The following NLGN1 variants were observed in gnomAD, a reference collection of about 807,000 sequenced individuals.
NLGN1 encodes neuroligin-1.
Under a neutral mutation model 65.5 loss-of-function variants are expected in NLGN1, and 12 were observed. That is an observed-to-expected ratio of 0.18 (90% CI 0.12 to 0.30). NLGN1 has a LOEUF of 0.30. NLGN1 is among the 10% of genes least tolerant of loss of function. The probability of loss-of-function intolerance (pLI) is 1.00; values close to 1 mark genes in which losing one functional copy is unlikely to be tolerated. For missense variants in NLGN1, 750 were observed against 1,007.1 expected (o/e 0.74, Z 3.46); for synonymous variants, 350 against 359.5 (o/e 0.97, Z 0.30).
intron 1 of NLGN1, among the ~76,000 whole-genome samples, chr3:173,408,911 CAAAA>C (rs11344890): frequency 1.6e-5 from 2 of 124,860 alleles, no homozygotes; most frequent in Non-Finnish European, 1.7e-5. Context: ...GACTCTGTCT[CAAAA>C]AAAAAAAAAA....
intron 2 of NLGN1, among the ~76,000 whole-genome samples, chr3:173,489,475 A>G (rs1728739544): frequency 1.3e-5 from 2 of 152,186 alleles, no homozygotes; most frequent in South Asian, 4.1e-4. Flanking sequence ...TTCTTAATCC[A>G]GTCTATCATT....
intron 3 of NLGN1, among the ~76,000 whole-genome samples, chr3:173,729,536 T>G (rs1167063582): frequency 3.3e-5 from 5 of 152,080 alleles, no homozygotes; most frequent in African/African-American, 1.2e-4. Context: ...AGATTTGAAG[T>G]CTTGGTGAAG....
intron 1 of NLGN1, among the ~76,000 whole-genome samples, chr3:173,421,885 T>G (rs1220846263): frequency 6.6e-6 from 1 of 152,150 alleles, no homozygotes; most frequent in East Asian, 1.9e-4. Flanking sequence ...TCTGATATAG[T>G]GTCTTAGTCA....
At chr3:173,781,154 A>AAAAAAAAAAAAAAAT (rs1175719248) in intron 3 of NLGN1, among the ~76,000 whole-genome samples, 1 of 150,772 alleles carries the variant, frequency 6.6e-6, no homozygotes, top group African/African-American at 2.4e-5. Flanking sequence ...CAAAAAAAAA[A>AAAAAAAAAAAAAAAT]AAGTAAATAT....
chr3:173,547,926 C>A (rs1224886855), intron 2 of NLGN1, among the ~76,000 whole-genome samples: 2 of 151,962 alleles, frequency 1.3e-5, no homozygotes, highest in Admixed American at 1.3e-4. Context: ...AAGAACAAAA[C>A]CTGAACATGT....
chr3:174,275,999 T>C (rs1378638761), intron 5 of NLGN1, among the ~76,000 whole-genome samples: 1 of 151,914 alleles, frequency 6.6e-6, no homozygotes, highest in Non-Finnish European at 1.5e-5. Context: ...TGATTTCACT[T>C]GTTGTCTGAG....
At chr3:174,217,294 A>G (rs899105701) in intron 4 of NLGN1, among the ~76,000 whole-genome samples, 1 of 152,136 alleles carries the variant, frequency 6.6e-6, no homozygotes, top group Non-Finnish European at 1.5e-5. Flanking sequence ...GTCTGATCTC[A>G]TGTTAACTGA....
intron 2 of NLGN1, among the ~76,000 whole-genome samples, chr3:173,444,964 T>TA (rs34421468): frequency 0.48 from 72,209 of 149,174 alleles, 19,776 homozygotes; most frequent in East Asian, 0.85. Context: ...GGACTTGTAT[T>TA]AAAAAAAAAA....
chr3:173,847,412 G>A (rs1298074232), intron 4 of NLGN1, among the ~76,000 whole-genome samples: 4 of 152,036 alleles, frequency 2.6e-5, no homozygotes, highest in African/African-American at 9.7e-5. Context: ...GACACAAAGG[G>A]AAACCAGACA....
At chr3:174,271,583 C>T (rs1319591666) in intron 4 of NLGN1, among the ~76,000 whole-genome samples, 1 of 151,740 alleles carries the variant, frequency 6.6e-6, no homozygotes, top group Non-Finnish European at 1.5e-5. Flanking sequence ...ATTCCAAGAG[C>T]CTATGCACCC....
chr3:174,226,960 T>C (rs1459544064), intron 4 of NLGN1, among the ~76,000 whole-genome samples: 1 of 152,186 alleles, frequency 6.6e-6, no homozygotes, highest in East Asian at 1.9e-4. Flanking sequence ...TTATTACTGG[T>C]ATACAAAAAA....
At chr3:173,751,790 G>C (rs889783384) in intron 3 of NLGN1, among the ~76,000 whole-genome samples, 1 of 152,102 alleles carries the variant, frequency 6.6e-6, no homozygotes, top group African/African-American at 2.4e-5. Flanking sequence ...CAGACACTAT[G>C]CTAAGAGCTG....
intron 4 of NLGN1, among the ~76,000 whole-genome samples, chr3:174,022,834 A>C (rs963627647): frequency 4.6e-5 from 7 of 152,136 alleles, no homozygotes; most frequent in African/African-American, 1.4e-4. Context: ...TTGCAGGACC[A>C]AAAGGGGACA....
chr3:173,601,648 A>G (rs1198988049), intron 2 of NLGN1, among the ~76,000 whole-genome samples: 1 of 151,998 alleles, frequency 6.6e-6, no homozygotes. Context: ...ATCAATATCT[A>G]TTGATGGACA....
chr3:174,268,364 A>ACTT (rs1459207020), intron 4 of NLGN1, among the ~76,000 whole-genome samples: 20 of 152,244 alleles, frequency 1.3e-4, no homozygotes, highest in Admixed American at 9.8e-4. Flanking sequence ...TGCTGGATAA[A>ACTT]CTTTTCTTAA....
intron 1 of NLGN1, among the ~76,000 whole-genome samples, chr3:173,400,621 C>T (rs559832072): frequency 1.3e-5 from 2 of 152,166 alleles, no homozygotes. Context: ...GTCTTTCCTT[C>T]ATCATGATGC....
intron 4 of NLGN1, among the ~76,000 whole-genome samples, chr3:173,905,470 G>A (rs796585503): frequency 1.3e-5 from 2 of 152,292 alleles, no homozygotes; most frequent in African/African-American, 4.8e-5. Context: ...ACAGACAAGG[G>A]AAGGGAATAA....
At chr3:173,445,262 C>A (rs1719997015) in intron 2 of NLGN1, among the ~76,000 whole-genome samples, 1 of 97,304 alleles carries the variant, frequency 1.0e-5, no homozygotes. Context: ...AGCGAGACTC[C>A]GTCTCAAAAA....
chr3:173,517,278 A>T (rs938148998), intron 2 of NLGN1, among the ~76,000 whole-genome samples: 7 of 152,072 alleles, frequency 4.6e-5, no homozygotes, highest in Non-Finnish European at 8.8e-5. Context: ...TAGAAGATGC[A>T]TGGAGGAATT....
Sources: allele counts gnomAD v4.1 joint callset (sites outside exome capture counted in the v4.1 genomes callset), GRCh38; gene constraint gnomAD v4.1.1; transcripts MANE v1.5; gene names NCBI Gene and HGNC (gene_info 2026-07-23, HGNC 2026-07-21).